The following TNRC18 variants were observed in gnomAD, a reference collection of about 807,000 sequenced individuals.
The protein encoded by TNRC18 is trinucleotide repeat containing 18.
A neutral mutation model predicts 226.7 loss-of-function variants in TNRC18; 69 were observed. That is an observed-to-expected ratio of 0.30 (90% CI 0.25 to 0.37). The LOEUF (loss-of-function observed/expected upper bound fraction) is 0.37, where lower values mean the gene tolerates loss of function less well. Ranked by LOEUF, TNRC18 falls within the 10% of genes least tolerant of loss-of-function variation. The probability of loss-of-function intolerance (pLI) is 1.00; values close to 1 mark genes in which losing one functional copy is unlikely to be tolerated. For missense variants in TNRC18, 4,754 were observed against 4,256.6 expected, an observed-to-expected ratio of 1.12 and a Z score of -3.25; for synonymous variants, 2,449 against 1,927.6, an observed-to-expected ratio of 1.27 and a Z score of -7.09.
At chr7:5,343,119 C>T (rs562240091) in intron 18 of TNRC18, among the ~76,000 whole-genome samples, 2 of 152,212 alleles carry the variant, frequency 1.3e-5, no homozygotes, top group East Asian at 1.9e-4. Flanking sequence ...TTTGGGAGGC[C>T]GAGGCGGACA....
At chr7:5,350,749 G>A (rs1791709112) in intron 17 of TNRC18, among the ~76,000 whole-genome samples, 1 of 152,194 alleles carries the variant, frequency 6.6e-6, no homozygotes, top group South Asian at 2.1e-4. Flanking sequence ...AAGGCCAGCG[G>A]GTTCTCAGGG....
chr7:5,312,445 A>C lies in TNRC18; in HGVS notation c.8388+58T>G. ...AGACACAGCATGAAGCCGTGGGCCC[A>C]GCAGAGAGACACAAGGCCCCCGGCC... is the stretch of plus-strand genomic sequence containing the variant. On this transcript the variant is annotated intron_variant, in intron 27 of 29. Transcript: ENST00000430969. This position sits in a 1 kb window ranked among gnomAD's most constrained non-coding sequence, Gnocchi z 6.3. The C allele has an allele frequency of 6.3e-7, 1 of 1,584,460 alleles. No individual in the cohort carries two copies. The highest frequency in any genetic ancestry group is 1.8e-5 in the Admixed American group (1 of 55,896).
rs570261127 is a variant in TNRC18, at chr7:5,325,019, G to A, written c.6300+77C>T. On this transcript the variant is annotated intron_variant, in intron 20 of 29. Coordinates refer to ENST00000430969, the MANE Select transcript of TNRC18 (RefSeq NM_001080495.3). The stretch of plus-strand genomic sequence containing the variant: ...TAGGGAGGGTGAATACAGAGGAGCA[G>A]GTGGAGCCCCCTGCCCTGACCACAG... 10 of 1,487,198 alleles carry A rather than the reference G, an allele frequency of 6.7e-6. No homozygotes were observed. The East Asian group carries it at 7.4e-5, about 11-fold the overall frequency. The allele number at this position is 1,487,198 out of a possible 1,614,324, so 92.1% of individuals were successfully genotyped here. A position where few individuals can be genotyped will look rare whatever the true frequency, so the allele number is the denominator to read the frequency against.
intron 25 of TNRC18, 46 bp from the exon 26 acceptor site, chr7:5,315,194 G>C (rs1208108105): frequency 1.9e-6 from 3 of 1,576,510 alleles, no homozygotes; most frequent in South Asian, 1.2e-5. Context: ...GGGGTCCCCA[G>C]CTTGGAGCTT....
At chr7:5,355,087 G>A (rs1206893075) in intron 16 of TNRC18, among the ~76,000 whole-genome samples, 1 of 152,156 alleles carries the variant, frequency 6.6e-6, no homozygotes, top group African/African-American at 2.4e-5. Context: ...CACTGACACT[G>A]ACATGGGCCA....
intron 27 of TNRC18, among the ~76,000 whole-genome samples, chr7:5,310,789 C>A (rs972213984): frequency 6.6e-6 from 1 of 152,270 alleles, no homozygotes; most frequent in African/African-American, 2.4e-5. Context: ...GGTGCTCCTG[C>A]CCCACACCTA....
At chr7:5,352,739 C>T (rs1791955784) in intron 16 of TNRC18, among the ~76,000 whole-genome samples, 1 of 152,246 alleles carries the variant, frequency 6.6e-6, no homozygotes, top group African/African-American at 2.4e-5. Flanking sequence ...CAAGAGTCTT[C>T]AAATCTTCCG....
rs1277184201 is a variant in TNRC18, at chr7:5,329,377, GA to G, written c.6147+3244del. Reference sequence around the variant, plus strand: ...CAGTACACATGATATAACACAGACTGAACTAAGTCTGAAAAGCAGAATACAG... The same window carrying G: ...CAGTACACATGATATAACACAGACTGACTAAGTCTGAAAAGCAGAATACAG... On this transcript the variant is annotated intron_variant, in intron 19 of 29. Coordinates refer to ENST00000430969, the MANE Select transcript of TNRC18 (RefSeq NM_001080495.3). 2.0e-5 allele frequency among the ~76,000 whole-genome samples: 3 copies of G among 151,072 alleles called. No individual in the cohort carries two copies. The East Asian group carries it at 5.9e-4, about 30-fold the overall frequency.
intron 5 of TNRC18, among the ~76,000 whole-genome samples, chr7:5,382,320 C>T (rs1407020044): frequency 1.3e-5 from 2 of 152,116 alleles, no homozygotes; most frequent in Non-Finnish European, 1.5e-5. Flanking sequence ...CTGCAGGCCG[C>T]CCAGAGGCCC....
chr7:5,405,603 C>G (rs1000583862), intron 2 of TNRC18, among the ~76,000 whole-genome samples: 7 of 151,658 alleles, frequency 4.6e-5, no homozygotes, highest in Admixed American at 3.3e-4. Context: ...AAAAGCCAGA[C>G]ATGGTAGCTT....
chr7:5,419,599 A>G (rs1782414972), intron 2 of TNRC18, among the ~76,000 whole-genome samples: 1 of 151,618 alleles, frequency 6.6e-6, no homozygotes. Flanking sequence ...ACAACACGCC[A>G]CTAGAGAACA....
At position 5,370,403 on chromosome 7, in the gene TNRC18, C is replaced by G; in HGVS notation, c.4191G>C (p.Glu1397Asp). ...CCATCTCTTGGCTCCTCCTCTCCAGCTCCAGCTCTGCGATCTCACTTAGCA... is the reference window on the plus strand; with the variant it reads ...CCATCTCTTGGCTCCTCCTCTCCAGGTCCAGCTCTGCGATCTCACTTAGCA... ...ITLLSEIAEL[E>D]LERRSQEMGG... The change falls in exon 11 of 30, where the codon GAG becomes GAC. Residue 1397 changes from glutamate to aspartate, a missense_variant. Coordinates refer to ENST00000430969, the MANE Select transcript of TNRC18 (RefSeq NM_001080495.3). 5 of 1,550,780 alleles carry G rather than the reference C, an allele frequency of 3.2e-6. No individual in the cohort carries two copies. Among genetic ancestry groups the G allele is most frequent in the Non-Finnish European group, 4.4e-6 (5 of 1,146,716 alleles).
chr7:5,349,351 G>A (rs938666040), intron 17 of TNRC18, among the ~76,000 whole-genome samples: 1 of 152,236 alleles, frequency 6.6e-6, no homozygotes, highest in Admixed American at 6.5e-5. Context: ...GCTTGCCGAG[G>A]GCTGGGGACA....
intron 15 of TNRC18, among the ~76,000 whole-genome samples, chr7:5,359,196 G>C (rs897589134): frequency 6.6e-6 from 1 of 152,202 alleles, no homozygotes; most frequent in Non-Finnish European, 1.5e-5. Context: ...TACGTCGGTA[G>C]GTCTCTGACC....
At chr7:5,330,692 G>C (rs1789433403) in intron 19 of TNRC18, among the ~76,000 whole-genome samples, 2 of 151,944 alleles carry the variant, frequency 1.3e-5, no homozygotes, top group African/African-American at 4.8e-5. Flanking sequence ...TTTATTTTTG[G>C]AGACAGAGTC....
chr7:5,401,888 C>A (rs1781118095), intron 2 of TNRC18, among the ~76,000 whole-genome samples: 1 of 152,082 alleles, frequency 6.6e-6, no homozygotes, highest in Admixed American at 6.5e-5. Context: ...TAAGAACGGC[C>A]TGGTTGGCCG....
At chr7:5,351,489 G>A (rs1791806952) in intron 17 of TNRC18, among the ~76,000 whole-genome samples, 3 of 151,614 alleles carry the variant, frequency 2.0e-5, no homozygotes, top group South Asian at 4.2e-4. Context: ...GCGGGGGTGG[G>A]GGGAACTCGG....
chr7:5,382,915 G>A (rs1779499030), intron 5 of TNRC18, among the ~76,000 whole-genome samples: 1 of 152,048 alleles, frequency 6.6e-6, no homozygotes, highest in South Asian at 2.1e-4. Context: ...TTTTTGGGGT[G>A]GGGGCAGGAT....
intron 11 of TNRC18, among the ~76,000 whole-genome samples, chr7:5,367,066 T>C (rs4266555): frequency 0.49 from 74,659 of 151,966 alleles, 18,742 homozygotes; most frequent in African/African-American, 0.6. Flanking sequence ...GGTGTCCTAA[T>C]AGGGTGGAGA....
Sources: gnomAD v4.1 joint callset for allele counts (sites outside exome capture counted in the v4.1 genomes callset) on GRCh38, gnomAD v4.1.1 for gene constraint, Gnocchi (gnomAD v3.1) non-coding constraint, MANE v1.5 for transcripts, NCBI Gene and HGNC (gene_info 2026-07-23, HGNC 2026-07-21) for gene names.